Variants in SCN8A observed in about 807,000 individuals in gnomAD.
The protein encoded by SCN8A is sodium channel protein type 8 subunit alpha.
A neutral mutation model predicts 184.1 loss-of-function variants in SCN8A; 30 were observed. The ratio of observed to expected loss-of-function variants is 0.16; its 90% confidence interval spans 0.12 to 0.22. SCN8A has a LOEUF of 0.22. Among genes scored for constraint, SCN8A ranks in the 10% least tolerant of loss-of-function variants. The pLI, the probability that SCN8A is intolerant of heterozygous loss-of-function variation, is 1.00. For synonymous variants in SCN8A, 852 were observed against 907.0 expected (o/e 0.94, Z 1.09); for missense variants, 1,057 against 2,498.9 (o/e 0.42, Z 12.30).
At chr12:51,659,828 G>A (rs543863924) in intron 1 of SCN8A, among the ~76,000 whole-genome samples, 3 of 152,302 alleles carry the variant, frequency 2.0e-5, no homozygotes, top group African/African-American at 4.8e-5. Context: ...GGACTTGGCA[G>A]AGATAACTGA....
At chr12:51,698,114 A>G (rs1477916661) in intron 6 of SCN8A, among the ~76,000 whole-genome samples, 1 of 152,204 alleles carries the variant, frequency 6.6e-6, no homozygotes. Flanking sequence ...TTGGCCTCCC[A>G]AAGTGCTGGG....
intron 9 of SCN8A, among the ~76,000 whole-genome samples, chr12:51,704,577 G>A (rs903103952): frequency 9.9e-5 from 15 of 151,424 alleles, no homozygotes; most frequent in African/African-American, 2.9e-4. Context: ...GGCTGAGGTG[G>A]GAGAATTGCT....
intron 26 of SCN8A, among the ~76,000 whole-genome samples, chr12:51,800,339 G>A (rs936029379): frequency 2.0e-5 from 3 of 152,196 alleles, no homozygotes; most frequent in Non-Finnish European, 4.4e-5. Context: ...ATCCACTGTC[G>A]TTCTCCAAGA....
chr12:51,769,819 G>A lies in SCN8A; in HGVS notation c.3373-49G>A, dbSNP rs752462655. The A allele has an allele frequency of 1.4e-4, 164 of 1,189,672 alleles. No individual in the cohort carries two copies. The Admixed American group carries it at 3.2e-3, about 23-fold the overall frequency. 73.7% of individuals were successfully genotyped at this position (1,189,672 alleles called of 1,614,324 possible). On this transcript the variant is annotated intron_variant, in intron 17 of 26. Coordinates refer to ENST00000627620, the MANE Select transcript of SCN8A (RefSeq NM_001330260.2). ...GAGGCAGAGTTCTCAGTGTGGAGTG[G>A]GCATGTTGCCTCAGAGCTGCCTGAT...
Position 51,762,495 on chromosome 12 carries a change from CT to C in SCN8A, c.2371-7del, listed in dbSNP as rs1942777137. ...TATTTTTCTTACCCCCTGCATCCCC[CT>C]ATTTAGGTTTTCACTGGAATTTTCA... On this transcript the variant is annotated splice_region_variant and splice_polypyrimidine_tract_variant and intron_variant, in intron 14 of 26. Transcript: ENST00000627620. The C allele has an allele frequency of 6.2e-6, 10 of 1,612,518 alleles. No individual in the cohort carries two copies. The highest frequency in any genetic ancestry group is 8.5e-6 in the Non-Finnish European group (10 of 1,179,182).
At chr12:51,660,604 GT>G (rs921574769) in intron 1 of SCN8A, among the ~76,000 whole-genome samples, 6 of 152,208 alleles carry the variant, frequency 3.9e-5, no homozygotes, top group Admixed American at 1.3e-4. Context: ...GCCAAAACAA[GT>G]TTATTTAGTG....
Position 51,789,316 on chromosome 12 carries a change from C to T in SCN8A, c.4317C>T (p.Tyr1439=). 2 of 1,613,960 alleles carry T rather than the reference C, an allele frequency of 1.2e-6. No homozygotes were observed. The highest frequency in any genetic ancestry group is 1.7e-6 in the Non-Finnish European group (2 of 1,179,840). Residue 1439 remains tyrosine, a synonymous_variant, in exon 24 of 27, where the codon TAC becomes TAT. Transcript: ENST00000627620. ...AGCCTAAGTATGAGGACAATATCTA[C>T]ATGTACATCTATTTTGTCATCTTCA... ...DEQPKYEDNI[Y]MYIYFVIFII... is the part of the protein sequence containing the mutation.
At chr12:51,715,538 G>T (rs573055069) in intron 11 of SCN8A, among the ~76,000 whole-genome samples, 64 of 151,604 alleles carry the variant, frequency 4.2e-4, no homozygotes, top group Admixed American at 6.6e-4. Flanking sequence ...GGAGGCTGAG[G>T]TGGGCAGATC....
intron 11 of SCN8A, among the ~76,000 whole-genome samples, chr12:51,709,419 G>A (rs1311216306): frequency 1.3e-5 from 2 of 152,144 alleles, no homozygotes; most frequent in African/African-American, 2.4e-5. Flanking sequence ...GAAAGAAAAC[G>A]GATAAACAGT....
chr12:51,745,380 T>A (rs1338915252), intron 12 of SCN8A, among the ~76,000 whole-genome samples: 1 of 152,164 alleles, frequency 6.6e-6, no homozygotes, highest in Non-Finnish European at 1.5e-5. Context: ...AGGCCCAGAT[T>A]TGGTATTTGG....
At chr12:51,694,014 C>T (rs1941554052) in intron 6 of SCN8A, among the ~76,000 whole-genome samples, 1 of 152,202 alleles carries the variant, frequency 6.6e-6, no homozygotes, top group Non-Finnish European at 1.5e-5. Context: ...CTCACTGCAA[C>T]CGCCACCTCC....
intron 16 of SCN8A, chr12:51,766,287 A>AG (rs1269278463): frequency 7.5e-6 from 4 of 530,098 alleles, no homozygotes; most frequent in African/African-American, 5.7e-5. Context: ...AAATTAAGTG[A>AG]CTTTCCCAAA....
intron 14 of SCN8A, among the ~76,000 whole-genome samples, chr12:51,751,828 A>G (rs761587753): frequency 6.6e-6 from 1 of 152,196 alleles, no homozygotes; most frequent in African/African-American, 2.4e-5. Context: ...CAGAAAACCA[A>G]TGTTGGCGAC....
At chr12:51,629,014 A>G (rs11829863) in intron 1 of SCN8A, among the ~76,000 whole-genome samples, 2,362 of 152,322 alleles carry the variant, frequency 0.016, 63 homozygotes, top group African/African-American at 0.052. Flanking sequence ...TGCAGTAGCT[A>G]TCTTCTGACT....
intron 12 of SCN8A, among the ~76,000 whole-genome samples, chr12:51,744,450 C>G (rs576240136): frequency 6.6e-6 from 1 of 152,282 alleles, no homozygotes; most frequent in South Asian, 2.1e-4. Context: ...ACAAGTCATT[C>G]TTACATACAC....
chr12:51,735,755 G>A (rs1417099239), intron 12 of SCN8A, among the ~76,000 whole-genome samples: 2 of 152,088 alleles, frequency 1.3e-5, no homozygotes, highest in Non-Finnish European at 2.9e-5. Flanking sequence ...GGGGTCCTCG[G>A]GATCCTCCTG....
intron 1 of SCN8A, among the ~76,000 whole-genome samples, chr12:51,640,212 GTTTT>G (rs57362371): frequency 2.3e-4 from 8 of 34,770 alleles, no homozygotes; most frequent in African/African-American, 2.4e-4. Flanking sequence ...TGCCTGGCCT[GTTTT>G]TTTTTTTTTT....
intron 1 of SCN8A, among the ~76,000 whole-genome samples, chr12:51,613,067 A>G (rs1442260299): frequency 1.3e-5 from 2 of 152,112 alleles, no homozygotes; most frequent in Non-Finnish European, 2.9e-5. Context: ...ATCTGTGTTC[A>G]CTAGGATATT....
rs748156622 is a variant in SCN8A, at chr12:51,706,491, G to A, written c.1411G>A (p.Gly471Arg). The A allele has an allele frequency of 3.7e-6, 6 of 1,606,308 alleles. No individual in the cohort carries two copies. In the Admixed American group the frequency reaches 6.8e-5, roughly 18 times the overall value. ...DAIEEEGEEG[G>R]GSPRSSSEIS... ...CATAGAGGAAGAAGGTGAAGAAGGAGGGGGCTCCCCTCGGAGCTCTTCTGA... is the reference window on the plus strand; with the variant it reads ...CATAGAGGAAGAAGGTGAAGAAGGAAGGGGCTCCCCTCGGAGCTCTTCTGA... The change falls in exon 11 of 27, where the codon GGG (glycine) becomes AGG (arginine). Residue 471 changes from glycine to arginine, a missense_variant. By Grantham distance (125) the Gly-to-Arg change is moderately radical. This residue lies in a region of SCN8A where 322 missense variants were observed against 390.1 expected (regional missense o/e 0.83). Coordinates refer to ENST00000627620, the MANE Select transcript of SCN8A (RefSeq NM_001330260.2).
Sources: allele counts gnomAD v4.1 joint callset (sites outside exome capture counted in the v4.1 genomes callset), GRCh38; gene constraint gnomAD v4.1.1; regional missense constraint gnomAD v4.1.1; transcripts MANE v1.5; gene names NCBI Gene and HGNC (gene_info 2026-07-23, HGNC 2026-07-21).